Variants in PCDHA7 observed in about 807,000 individuals in gnomAD.
The protein encoded by PCDHA7 is protocadherin alpha 7, also known as protocadherin alpha-7.
In PCDHA7, 37 loss-of-function variants were observed where a neutral mutation model predicts 57.2. That is an observed-to-expected ratio of 0.65 (90% CI 0.50 to 0.85). The LOEUF (loss-of-function observed/expected upper bound fraction) is 0.85, where lower values mean the gene tolerates loss of function less well. Ranked by LOEUF, PCDHA7 falls within the 40% of genes least tolerant of loss-of-function variation. The pLI, the probability that PCDHA7 is intolerant of heterozygous loss-of-function variation, is 0.00. For missense variants in PCDHA7, 1,188 were observed against 1,241.8 expected, an observed-to-expected ratio of 0.96 and a Z score of 0.65; for synonymous variants, 553 against 558.8, an observed-to-expected ratio of 0.99 and a Z score of 0.15.
chr5:140,920,583 C>A (rs1287573835), intron 1 of PCDHA7, among the ~76,000 whole-genome samples: 1 of 152,106 alleles, frequency 6.6e-6, no homozygotes, highest in African/African-American at 2.4e-5. Context: ...CAGTGGCTCA[C>A]GCCTGTAATC....
chr5:140,902,621 TATTTAGTGGTG>T (rs2069605868), intron 1 of PCDHA7, among the ~76,000 whole-genome samples: 1 of 152,154 alleles, frequency 6.6e-6, no homozygotes, highest in Non-Finnish European at 1.5e-5. Context: ...ATGGGTAAGT[TATTTAGTGGTG>T]ATTTCTGAGA....
At chr5:140,918,823 C>T (rs2078875594) in intron 1 of PCDHA7, among the ~76,000 whole-genome samples, 2 of 11,382 alleles carry the variant, frequency 1.8e-4, no homozygotes, top group African/African-American at 5.2e-3. Context: ...AAAAAGTGGC[C>T]CCCTCCCCAG....
At chr5:140,963,206 AC>A (rs145404740) in intron 1 of PCDHA7, among the ~76,000 whole-genome samples, 1,595 of 152,188 alleles carry the variant, frequency 0.01, 28 homozygotes, top group African/African-American at 0.037. Context: ...GAAAAAAAAA[AC>A]CTCGTGTTTA....
intron 1 of PCDHA7, chr5:140,858,758 A>G (rs1474709962): frequency 4.4e-6 from 2 of 458,304 alleles, no homozygotes; most frequent in Non-Finnish European, 7.8e-6. Flanking sequence ...TTCGTTACAA[A>G]TATTTGTGAG....
intron 1 of PCDHA7, chr5:140,850,383 G>A (rs2150481860): frequency 2.5e-6 from 4 of 1,597,842 alleles, no homozygotes; most frequent in South Asian, 1.1e-5. Context: ...GTACACGGGC[G>A]AGATCAGCAC....
rs2150496669 is a variant in PCDHA7 at position 140,850,740 on chromosome 5, T to C, written c.2355+14002T>C. 3.8e-6 allele frequency: 6 copies of C among 1,597,446 alleles called. No individual in the cohort carries two copies. In the South Asian group the frequency reaches 4.4e-5, roughly 12 times the overall value. On this transcript the variant is annotated intron_variant, in intron 1 of 3. Transcript: ENST00000525929. ...GTGTTCTAGCGCGGTGGGGAGTTGG[T>C]CGTACTCGCAGCAGAGGAGGCAGAG...
intron 1 of PCDHA7, chr5:140,856,336 G>A (rs782523397): frequency 1.9e-6 from 3 of 1,598,624 alleles, no homozygotes; most frequent in East Asian, 2.2e-5. Context: ...AGCTGTGCGG[G>A]CGGAGCGTGG....
At chr5:140,856,713 C>T in intron 1 of PCDHA7, 1 of 1,596,470 alleles carries the variant, frequency 6.3e-7, no homozygotes, top group Non-Finnish European at 8.6e-7. Context: ...CCTGAATTTA[C>T]CGGATCTGTT....
chr5:140,922,342 A>G (rs1256854965), intron 1 of PCDHA7, among the ~76,000 whole-genome samples: 2 of 152,184 alleles, frequency 1.3e-5, no homozygotes, highest in East Asian at 3.8e-4. Flanking sequence ...GTATATTGGT[A>G]TTTTCTAGAG....
intron 1 of PCDHA7, among the ~76,000 whole-genome samples, chr5:140,934,534 G>GT (rs1563143363): frequency 2.6e-5 from 4 of 152,064 alleles, no homozygotes; most frequent in Non-Finnish European, 4.4e-5. Flanking sequence ...GAGAGCTACC[G>GT]TTCTAATTCT....
intron 1 of PCDHA7, among the ~76,000 whole-genome samples, chr5:140,913,040 G>T (rs1554195697): frequency 1.3e-5 from 2 of 152,022 alleles, no homozygotes; most frequent in African/African-American, 4.8e-5. Flanking sequence ...AGATATATTG[G>T]CCTGGAGTTT....
At chr5:140,927,720 G>A in intron 1 of PCDHA7, 6 of 1,614,174 alleles carry the variant, frequency 3.7e-6, no homozygotes, top group Non-Finnish European at 4.2e-6. Context: ...GCAACAGCAC[G>A]CAAGCAGAGC....
rs781959040 is a variant in PCDHA7 at position 140,968,057 on chromosome 5, C to A, written c.2356-10892C>A. 2.5e-6 allele frequency: 4 copies of A among 1,613,992 alleles called. 1 individual carries two copies. Among genetic ancestry groups the A allele is most frequent in the South Asian group, 2.2e-5 (2 of 91,082 alleles). ...GGTGAGCGGCCCACTGGACCGAGAGCGGGTGGCTGTCTACAACATCACGGT... is the reference window on the plus strand; with the variant it reads ...GGTGAGCGGCCCACTGGACCGAGAGAGGGTGGCTGTCTACAACATCACGGT... On this transcript the variant is annotated intron_variant, in intron 1 of 3. Transcript: ENST00000525929.
chr5:140,966,888 C>A, intron 1 of PCDHA7: 13 of 1,593,128 alleles, frequency 8.2e-6, no homozygotes, highest in Non-Finnish European at 1.1e-5. Context: ...GGCCCTGCGG[C>A]CTCCCAGCTG....
intron 1 of PCDHA7, chr5:140,967,993 T>C (rs372478638): frequency 1.5e-5 from 24 of 1,614,206 alleles, no homozygotes; most frequent in Non-Finnish European, 1.2e-5. Flanking sequence ...CCACACTGCC[T>C]TTCCGACTGA....
chr5:140,920,630 G>A (rs937787340), intron 1 of PCDHA7, among the ~76,000 whole-genome samples: 1 of 152,060 alleles, frequency 6.6e-6, no homozygotes, highest in Non-Finnish European at 1.5e-5. Flanking sequence ...TGGATCACAA[G>A]GTCAAGAGAT....
At chr5:140,983,470 A>G (rs782117929) in intron 3 of PCDHA7, among the ~76,000 whole-genome samples, 16 of 152,224 alleles carry the variant, frequency 1.1e-4, no homozygotes, top group Non-Finnish European at 1.5e-4. Context: ...CATCATGATG[A>G]TAATAGTAGT....
In PCDHA7 at chr5:141,009,750, T is replaced by C; in HGVS notation, c.2627T>C (p.Ile876Thr). Residue 876 changes from isoleucine (I) to threonine (T), a missense_variant, in exon 4 of 4, where the codon ATT becomes ACT. By Grantham distance (89) the Ile-to-Thr change is moderately conservative. This residue lies in a region of PCDHA7 where 892 missense variants were observed against 788.5 expected (regional missense o/e 1.13). Coordinates refer to ENST00000525929, the MANE Select transcript of PCDHA7 (RefSeq NM_018910.3). ...CCCGGTGAGTTGCCCGACAAATTCA[T>C]TATCCCAGGATCTCCTGCAATCATC... ...SGPGELPDKF[I>T]IPGSPAIISI... 1.2e-6 allele frequency: 2 copies of C among 1,614,130 alleles called. No individual in the cohort carries two copies. The highest frequency in any genetic ancestry group is 3.3e-5 in the Admixed American group (2 of 60,026).
chr5:141,004,642 C>T (rs1470971220), intron 3 of PCDHA7, among the ~76,000 whole-genome samples: 1 of 152,120 alleles, frequency 6.6e-6, no homozygotes, highest in African/African-American at 2.4e-5. Context: ...GAAAAATTTC[C>T]ATTTTGGGCT....
Sources: allele counts gnomAD v4.1 joint callset (sites outside exome capture counted in the v4.1 genomes callset), GRCh38; gene constraint gnomAD v4.1.1; regional missense constraint gnomAD v4.1.1; transcripts MANE v1.5; gene names NCBI Gene and HGNC (gene_info 2026-07-23, HGNC 2026-07-21).